The following ZNF780A variants were observed in gnomAD, a reference collection of about 807,000 sequenced individuals.
ZNF780A encodes the protein zinc finger protein 780A.
Under a neutral mutation model 56.7 loss-of-function variants are expected in ZNF780A, and 40 were observed. That is an observed-to-expected ratio of 0.71 (90% CI 0.55 to 0.92). The LOEUF (loss-of-function observed/expected upper bound fraction) is 0.92, where lower values mean the gene tolerates loss of function less well. Ranked by LOEUF, ZNF780A falls within the 40% of genes least tolerant of loss-of-function variation. The probability of loss-of-function intolerance (pLI) is 0.00; values close to 1 mark genes in which losing one functional copy is unlikely to be tolerated. For synonymous variants in ZNF780A, 231 were observed against 248.3 expected (o/e 0.93, Z 0.66); for missense variants, 672 against 783.3 (o/e 0.86, Z 1.70).
Position 40,073,947 on chromosome 19 carries a change from G to A in ZNF780A, c.*569C>T. ...CCTTACATTATAGCGTTTCTCACCA[G>A]TATGAATTTTAACATGTTGAACAAT... On this transcript the variant is annotated 3_prime_UTR_variant, in exon 6 of 6. Coordinates refer to ENST00000683561, the MANE Select transcript of ZNF780A (RefSeq NM_001142578.2). 9.6e-7 allele frequency: 1 copy of A among 1,042,518 alleles called. No homozygotes were observed. The highest frequency in any genetic ancestry group is 3.5e-5 in the South Asian group (1 of 28,268). The allele number at this position is 1,042,518 out of a possible 1,614,324, so 64.6% of individuals were successfully genotyped here.
chr19:40,073,134 T>C lies in ZNF780A; in HGVS notation c.*1382A>G, dbSNP rs1973896291. On this transcript the variant is annotated 3_prime_UTR_variant, in exon 6 of 6. Coordinates refer to ENST00000683561, the MANE Select transcript of ZNF780A (RefSeq NM_001142578.2). ...AAGTGTCATGATGTCTAAAACTTAT[T>C]CTCAATGGTACAACAAATATACAAA... is the stretch of plus-strand genomic sequence containing the variant. 3 of 1,182,942 alleles carry C rather than the reference T, an allele frequency of 2.5e-6. No individual in the cohort carries two copies. The highest frequency in any genetic ancestry group is 3.3e-6 in the Non-Finnish European group (3 of 919,662). 73.3% of individuals were successfully genotyped at this position (1,182,942 alleles called of 1,614,324 possible).
chr19:40,083,295 A>G, intron 3 of ZNF780A, 58 bp from the exon 4 acceptor site: 1 of 1,605,860 alleles, frequency 6.2e-7, no homozygotes, highest in Non-Finnish European at 8.5e-7. Context: ...TTAAGATGAA[A>G]GGAGAGGAAG....
chr19:40,070,811 C>G (rs1354629461), downstream of ZNF780A: 2 of 152,042 alleles, frequency 1.3e-5, no homozygotes, highest in Non-Finnish European at 2.9e-5. Flanking sequence ...GGAAGGCCTC[C>G]TGGGATCTCT....
In ZNF780A at chr19:40,074,580, A is replaced by C. The variant is rs1227636980; in HGVS notation, c.1862T>G (p.Val621Gly). The change falls in exon 6 of 6, where the codon GTT (valine) becomes GGT (glycine). Residue 621 changes from valine (V) to glycine (G), a missense_variant. Val to Gly is a moderately radical substitution (Grantham distance 109, BLOSUM62 -3). Transcript: ENST00000683561. ...KPFECKECGK[V>G]FSLPTQLNRH... is the part of the protein sequence containing the mutation. ...ATTAAGCTGGGTGGGAAGACTAAAA[A>C]CCTTTCCACATTCCTTACATTCAAA... 6.2e-7 allele frequency: 1 copy of C among 1,613,046 alleles called. No homozygotes were observed.
intron 2 of ZNF780A, chr19:40,085,223 C>T (rs932544110): frequency 2.1e-5 from 21 of 985,326 alleles, no homozygotes; most frequent in Non-Finnish European, 6.0e-6. Context: ...TTTGTGAAAT[C>T]AGGATTGGGT....
At chr19:40,070,671 G>A (rs894699088), downstream of ZNF780A, 2 of 152,138 alleles carry the variant, frequency 1.3e-5, no homozygotes, top group African/African-American at 4.8e-5. Context: ...AAAGTAGTAG[G>A]TGATTTTTAA....
chr19:40,075,603 T>C lies in ZNF780A; in HGVS notation c.839A>G (p.Lys280Arg), dbSNP rs1974076900. The C allele has an allele frequency of 6.2e-7, 1 of 1,613,632 alleles. No homozygotes were observed. The highest frequency in any genetic ancestry group is 1.7e-5 in the Admixed American group (1 of 59,956). The change falls in exon 6 of 6, where the codon AAG becomes AGG. Residue 280 changes from lysine to arginine, a missense_variant. Physicochemically the swap from Lys to Arg is conservative, Grantham distance 26. Coordinates refer to ENST00000683561, the MANE Select transcript of ZNF780A (RefSeq NM_001142578.2). ...IHSGVKPYEC[K>R]ECGKGFNRGA... ...ACGATTAAAGCCTTTCCCACACTCCTTACATTCATATGGTTTTACACCAGA... is the reference window on the plus strand; with the variant it reads ...ACGATTAAAGCCTTTCCCACACTCCCTACATTCATATGGTTTTACACCAGA...
rs1040091370 is a variant in ZNF780A at position 40,084,758 on chromosome 19, C to G, written c.-5G>C. Reference sequence around the variant, plus strand: ...ATACAAACTTACATGGACCATGTTGCTAGAATTACAAAACTGGTCAATCTT... The same window carrying G: ...ATACAAACTTACATGGACCATGTTGGTAGAATTACAAAACTGGTCAATCTT... On this transcript the variant is annotated 5_prime_UTR_variant, in exon 3 of 6. Transcript: ENST00000683561. The G allele has an allele frequency of 6.4e-7, 1 of 1,552,876 alleles. No homozygotes were observed. Among genetic ancestry groups the G allele is most frequent in the African/African-American group, 1.4e-5 (1 of 73,226 alleles).
intron 5 of ZNF780A, among the ~76,000 whole-genome samples, chr19:40,080,372 A>G (rs1223114601): frequency 6.6e-6 from 1 of 152,240 alleles, no homozygotes; most frequent in East Asian, 1.9e-4. Flanking sequence ...CTAAAGTCAC[A>G]TGAATGCCTA....
intron 2 of ZNF780A, chr19:40,085,356 A>AC: frequency 1.0e-6 from 1 of 985,148 alleles, no homozygotes. Flanking sequence ...ACAGTTCAGA[A>AC]CATCCACTTA....
chr19:40,075,604 T>C lies in ZNF780A; in HGVS notation c.838A>G (p.Lys280Glu). 1 of 1,613,804 alleles carries C rather than the reference T, an allele frequency of 6.2e-7. No homozygotes were observed. The highest frequency in any genetic ancestry group is 1.3e-5 in the African/African-American group (1 of 74,888). Residue 280 changes from lysine (K) to glutamate (E), a missense_variant, in exon 6 of 6, where the codon AAG (lysine) becomes GAG (glutamate). Coordinates refer to ENST00000683561, the MANE Select transcript of ZNF780A (RefSeq NM_001142578.2). The part of the protein sequence containing the change: ...IHSGVKPYEC[K>E]ECGKGFNRGA... The stretch of plus-strand genomic sequence containing the variant: ...CGATTAAAGCCTTTCCCACACTCCT[T>C]ACATTCATATGGTTTTACACCAGAA...
Position 40,075,824 on chromosome 19 carries a change from T to C in ZNF780A, c.618A>G (p.Ile206Met), listed in dbSNP as rs757017870. Residue 206 changes from isoleucine to methionine, a missense_variant, in exon 6 of 6, where the codon ATA becomes ATG. Transcript: ENST00000683561. Reference protein sequence around the residue: ...KECGKAFRLHIQFTRHQKFHT... With the variant: ...KECGKAFRLHMQFTRHQKFHT... ...GAAATTTCTGATGTCGAGTAAATTG[T>C]ATGTGAAGTCGAAAGGCTTTCCCAC... The C allele has an allele frequency of 2.5e-6, 4 of 1,613,760 alleles. No individual in the cohort carries two copies. Among genetic ancestry groups the C allele is most frequent in the Non-Finnish European group, 3.4e-6 (4 of 1,179,920 alleles).
In ZNF780A at chr19:40,074,329, C is replaced by A; in HGVS notation, c.*187G>T. ...ATAAGTGGTAATGATATCTAAAGGT[C>A]GTCCTCCACTCCTTGCATACAAAGA... On this transcript the variant is annotated 3_prime_UTR_variant, in exon 6 of 6. Transcript: ENST00000683561. 1 of 1,517,170 alleles carries A rather than the reference C, an allele frequency of 6.6e-7. No homozygotes were observed. Among genetic ancestry groups the A allele is most frequent in the South Asian group, 1.4e-5 (1 of 72,850 alleles). The allele number at this position is 1,517,170 out of a possible 1,614,324, so 94.0% of individuals were successfully genotyped here. A position where few individuals can be genotyped will look rare whatever the true frequency, so the allele number is the denominator to read the frequency against.
At chr19:40,078,900 A>G (rs1361311798) in intron 5 of ZNF780A, among the ~76,000 whole-genome samples, 1 of 152,186 alleles carries the variant, frequency 6.6e-6, no homozygotes, top group Non-Finnish European at 1.5e-5. Context: ...ACCAAACCAC[A>G]ATGATGAAAA....
intron 5 of ZNF780A, among the ~76,000 whole-genome samples, chr19:40,076,793 G>T (rs2144919673): frequency 6.6e-6 from 1 of 152,186 alleles, no homozygotes; most frequent in Middle Eastern, 3.4e-3. Flanking sequence ...TACCACCTTT[G>T]CTACCTAAGC....
At chr19:40,089,196 A>G (rs1457788490) in intron 2 of ZNF780A, 6 of 1,330,826 alleles carry the variant, frequency 4.5e-6, no homozygotes, top group Non-Finnish European at 5.9e-6. Flanking sequence ...CACAAAAATG[A>G]TAACTATGTG....
intron 2 of ZNF780A, among the ~76,000 whole-genome samples, chr19:40,089,093 A>G (rs1399176226): frequency 1.3e-5 from 2 of 152,176 alleles, no homozygotes; most frequent in African/African-American, 2.4e-5. Context: ...AAATAAGTTC[A>G]GGAGATCTAT....
At chr19:40,086,169 T>C (rs758532099) in intron 2 of ZNF780A, among the ~76,000 whole-genome samples, 8 of 152,184 alleles carry the variant, frequency 5.3e-5, no homozygotes, top group Non-Finnish European at 1.2e-4. Flanking sequence ...CTGTTGTTTT[T>C]ACTTAACAAG....
At chr19:40,089,644 T>TCA (rs975648902) in intron 2 of ZNF780A, among the ~76,000 whole-genome samples, 15 of 138,254 alleles carry the variant, frequency 1.1e-4, no homozygotes, top group South Asian at 7.0e-4. Context: ...ACACACACAC[T>TCA]CACACACACA....
Sources: gnomAD v4.1 joint callset for allele counts (sites outside exome capture counted in the v4.1 genomes callset) on GRCh38, gnomAD v4.1.1 for gene constraint, MANE v1.5 for transcripts, NCBI Gene and HGNC (gene_info 2026-07-23, HGNC 2026-07-21) for gene names.